The following PDIK1L variants were observed in gnomAD, a reference collection of about 807,000 sequenced individuals.
PDIK1L encodes PDLIM1 interacting kinase 1 like.
A neutral mutation model predicts 27.1 loss-of-function variants in PDIK1L; 9 were observed. The observed-to-expected ratio is 0.33, with a 90% confidence interval of 0.20 to 0.58. The LOEUF (loss-of-function observed/expected upper bound fraction) is 0.58, where lower values mean the gene tolerates loss of function less well. Ranked by LOEUF, PDIK1L falls within the 20% of genes least tolerant of loss-of-function variation. The pLI is 0.86. For synonymous variants in PDIK1L, 130 were observed against 141.7 expected, an observed-to-expected ratio of 0.92 and a Z score of 0.59; for missense variants, 216 against 413.2, an observed-to-expected ratio of 0.52 and a Z score of 4.14.
rs1468730580 is a variant in PDIK1L at position 26,124,057 on chromosome 1, A to T, written c.*1480A>T. ...AGAATTTTTGGTCAAAAGTCAAAATAGTATTAGAATATTGAAATTATTGAT... is the reference window on the plus strand; with the variant it reads ...AGAATTTTTGGTCAAAAGTCAAAATTGTATTAGAATATTGAAATTATTGAT... On this transcript the variant is annotated 3_prime_UTR_variant, in exon 3 of 3. Coordinates refer to ENST00000374269, the MANE Select transcript of PDIK1L (RefSeq NM_152835.5). 6.6e-6 allele frequency: 1 copy of T among 152,648 alleles called. No homozygotes were observed. Among genetic ancestry groups the T allele is most frequent in the Non-Finnish European group, 1.5e-5 (1 of 68,014 alleles). The allele number at this position is 152,648 out of a possible 1,614,324, so 9.5% of individuals were successfully genotyped here.
At position 26,122,857 on chromosome 1, in the gene PDIK1L, T is replaced by A. The variant is rs2088013158; in HGVS notation, c.*280T>A. 2 of 247,636 alleles carry A rather than the reference T, an allele frequency of 8.1e-6. No individual in the cohort carries two copies. Among genetic ancestry groups the A allele is most frequent in the Middle Eastern group, 1.3e-3 (1 of 770 alleles). The allele number at this position is 247,636 out of a possible 1,614,324, so 15.3% of individuals were successfully genotyped here. ...TTTAAGAGCTAACAAGAGAAGAGAG[T>A]CCAGTTTTCTGGAAATATGTCTTTA... On this transcript the variant is annotated 3_prime_UTR_variant, in exon 3 of 3. Transcript: ENST00000374269. This position sits in a 1 kb window ranked among gnomAD's most constrained non-coding sequence, Gnocchi z 5.4.
chr1:26,113,595 A>G (rs1224440530), intron 1 of PDIK1L, among the ~76,000 whole-genome samples: 1 of 151,516 alleles, frequency 6.6e-6, no homozygotes, highest in Non-Finnish European at 1.5e-5. Context: ...GACAAAATTA[A>G]AATATGAATA....
At chr1:26,113,229 C>T (rs1052923128) in intron 1 of PDIK1L, among the ~76,000 whole-genome samples, 9 of 152,170 alleles carry the variant, frequency 5.9e-5, no homozygotes, top group African/African-American at 2.2e-4. Flanking sequence ...GTGGCTCACG[C>T]CCGTAATCCC....
rs1366409850 is a variant in PDIK1L, at chr1:26,123,432, C to T, written c.*855C>T. 2 of 152,612 alleles carry T rather than the reference C, an allele frequency of 1.3e-5. No individual in the cohort carries two copies. Among genetic ancestry groups the T allele is most frequent in the African/African-American group, 4.8e-5 (2 of 41,442 alleles). 9.5% of individuals were successfully genotyped at this position (152,612 alleles called of 1,614,324 possible). A position where few individuals can be genotyped will look rare whatever the true frequency, so the allele number is the denominator to read the frequency against. On this transcript the variant is annotated 3_prime_UTR_variant, in exon 3 of 3. Coordinates refer to ENST00000374269, the MANE Select transcript of PDIK1L (RefSeq NM_152835.5). ...ATACCACTGCATTGGGACGTCTGCA[C>T]TTGAGCTTCTACAATCTGATATAAA...
intron 2 of PDIK1L, among the ~76,000 whole-genome samples, chr1:26,116,158 G>A (rs1392403255): frequency 7.3e-6 from 1 of 137,602 alleles, no homozygotes; most frequent in Non-Finnish European, 1.6e-5. Context: ...AACCAAGATC[G>A]CACCACTGCA....
rs967135271 is a variant in PDIK1L, at chr1:26,122,704, A to AT, written c.*137dup. The stretch of plus-strand genomic sequence containing the variant: ...TCTAAGGGTTTAGATTTTTTGTGGG[A>AT]TTTTTTTTTTCCTCATTTTTCTTAA... On this transcript the variant is annotated 3_prime_UTR_variant, in exon 3 of 3. Transcript: ENST00000374269. This position sits in a 1 kb window ranked among gnomAD's most constrained non-coding sequence, Gnocchi z 5.4. 5,848 of 1,099,786 alleles carry AT rather than the reference A, an allele frequency of 5.3e-3. 1 individual carries two copies. The highest frequency in any genetic ancestry group is 8.6e-3 in the African/African-American group (533 of 61,638). 68.1% of individuals were successfully genotyped at this position (1,099,786 alleles called of 1,614,324 possible).
rs17356867 is a variant in PDIK1L, at chr1:26,122,358, T to C, written c.807T>C (p.Tyr269=). The change falls in exon 3 of 3, where the codon TAT becomes TAC. Residue 269 remains tyrosine, a synonymous_variant. Coordinates refer to ENST00000374269, the MANE Select transcript of PDIK1L (RefSeq NM_152835.5). This position sits in a 1 kb window ranked among gnomAD's most constrained non-coding sequence, Gnocchi z 5.4. ...CAAAGAAGGAACTCTTGGGGAGTTA[T>C]GTAAAACAAGGAACTGAGATTGTGC... ...TETKKELLGS[Y]VKQGTEIVPV... 0.16 allele frequency: 260,929 copies of C among 1,613,968 alleles called. 22,546 individuals are homozygous for C. Among genetic ancestry groups the C allele is most frequent in the African/African-American group, 0.2 (15,062 of 74,958 alleles).
chr1:26,119,813 C>T lies in PDIK1L; in HGVS notation c.286-2024C>T, dbSNP rs376221437. Among the ~76,000 whole-genome samples, 10 of 151,684 alleles carry T rather than the reference C, an allele frequency of 6.6e-5. No individual in the cohort carries two copies. In the East Asian group the frequency reaches 1.6e-3, roughly 24 times the overall value. ...AGCAGAGGTTGCAGTGAGCCGAGAT[C>T]GCGCCACTGCACTCCAGCCTGGCAA... is the stretch of plus-strand genomic sequence containing the variant. On this transcript the variant is annotated intron_variant, in intron 2 of 2. Coordinates refer to ENST00000374269, the MANE Select transcript of PDIK1L (RefSeq NM_152835.5).
At chr1:26,118,688 T>C (rs113272783) in intron 2 of PDIK1L, among the ~76,000 whole-genome samples, 15 of 152,236 alleles carry the variant, frequency 9.9e-5, no homozygotes, top group African/African-American at 2.9e-4. Context: ...ACTCAGTAAT[T>C]GGTACCTCTA....
chr1:26,114,635 G>A lies in PDIK1L; in HGVS notation c.285+42G>A, dbSNP rs1384383687. 4 of 1,586,662 alleles carry A rather than the reference G, an allele frequency of 2.5e-6. No individual in the cohort carries two copies. Among genetic ancestry groups the A allele is most frequent in the Middle Eastern group, 1.9e-4 (1 of 5,400 alleles). ...GGGAAATAGAAATGATTTGAACATG[G>A]CATTGGCCAGCAAGAAGAGGAATGA... On this transcript the variant is annotated intron_variant, in intron 2 of 2. Transcript: ENST00000374269. The surrounding 1 kb of genome is among the most constrained non-coding windows in gnomAD (Gnocchi z 4.8).
chr1:26,116,277 A>G (rs2087875555), intron 2 of PDIK1L, among the ~76,000 whole-genome samples: 1 of 152,026 alleles, frequency 6.6e-6, no homozygotes, highest in South Asian at 2.1e-4. Context: ...TAGGAGGGTG[A>G]AGCAGGAGGA....
rs111876011 is a variant in PDIK1L, at chr1:26,123,790, T to G, written c.*1213T>G. The G allele has an allele frequency of 1.3e-5, 2 of 152,644 alleles. No homozygotes were observed. Among genetic ancestry groups the G allele is most frequent in the African/African-American group, 4.8e-5 (2 of 41,452 alleles). 9.5% of individuals were successfully genotyped at this position (152,644 alleles called of 1,614,324 possible). A position where few individuals can be genotyped will look rare whatever the true frequency, so the allele number is the denominator to read the frequency against. ...TAAAATATTGTGGCATCAACTACTT[T>G]TAAAGTAGAAAAGCTATCCATTTTA... On this transcript the variant is annotated 3_prime_UTR_variant, in exon 3 of 3. Transcript: ENST00000374269.
At chr1:26,120,637 C>T (rs900365518) in intron 2 of PDIK1L, among the ~76,000 whole-genome samples, 16 of 152,138 alleles carry the variant, frequency 1.1e-4, no homozygotes, top group Non-Finnish European at 2.2e-4. Context: ...GAAAAGGGCA[C>T]CATACAACAA....
intron 2 of PDIK1L, among the ~76,000 whole-genome samples, chr1:26,118,154 A>G (rs910932793): frequency 3.3e-5 from 5 of 152,104 alleles, no homozygotes; most frequent in Admixed American, 3.3e-4. Context: ...AAGCAAAGAT[A>G]TTTAAACAAA....
At position 26,120,950 on chromosome 1, in the gene PDIK1L, CAA is replaced by C. The variant is rs11316360; in HGVS notation, c.286-869_286-868del. Among the ~76,000 whole-genome samples the C allele has an allele frequency of 3.0e-3, 289 of 96,280 alleles. 1 individual carries two copies. Among genetic ancestry groups the C allele is most frequent in the African/African-American group, 6.1e-3 (160 of 26,166 alleles). The allele number at this position is 96,280 out of a possible 152,430, so 63.2% of individuals were successfully genotyped here. ...CTGGTGACAGAGCAAGACTCCGTCT[CAA>C]AAAAAAAAAAAAAAAAAGACTATGT... On this transcript the variant is annotated intron_variant, in intron 2 of 2. Coordinates refer to ENST00000374269, the MANE Select transcript of PDIK1L (RefSeq NM_152835.5).
chr1:26,115,533 G>A (rs542804295), intron 2 of PDIK1L, among the ~76,000 whole-genome samples: 2 of 152,336 alleles, frequency 1.3e-5, no homozygotes, highest in South Asian at 2.1e-4. Context: ...CAGGCACAGT[G>A]GCTCACGCCT....
At position 26,121,921 on chromosome 1, in the gene PDIK1L, G is replaced by A. The variant is rs762809491; in HGVS notation, c.370G>A (p.Gly124Arg). 3.1e-6 allele frequency: 5 copies of A among 1,613,962 alleles called. No homozygotes were observed. Among genetic ancestry groups the A allele is most frequent in the South Asian group, 1.1e-5 (1 of 91,068 alleles). The change falls in exon 3 of 3, where the codon GGA (glycine) becomes AGA (arginine). Residue 124 changes from glycine to arginine, a missense_variant. This residue lies in a region of PDIK1L where 169 missense variants were observed against 366.0 expected (regional missense o/e 0.46). Coordinates refer to ENST00000374269, the MANE Select transcript of PDIK1L (RefSeq NM_152835.5). ...YLWFVMDFCD[G>R]GDMNEYLLSR... is the part of the protein sequence containing the mutation. Reference sequence around the variant, plus strand: ...GTGGTTTGTGATGGATTTTTGTGACGGAGGAGATATGAATGAGTATCTGTT... The same window carrying A: ...GTGGTTTGTGATGGATTTTTGTGACAGAGGAGATATGAATGAGTATCTGTT...
In PDIK1L at chr1:26,122,561, G is replaced by GCAGCTGGGAAACGTGACA. The variant is rs1553150132; in HGVS notation, c.1013_*4dup. The GCAGCTGGGAAACGTGACA allele has an allele frequency of 6.2e-7, 1 of 1,603,446 alleles. No homozygotes were observed. On this transcript the variant is annotated stop_gained and inframe_insertion, in exon 3 of 3. Coordinates refer to ENST00000374269, the MANE Select transcript of PDIK1L (RefSeq NM_152835.5). LOFTEE classifies it high-confidence loss of function. The surrounding 1 kb of genome is among the most constrained non-coding windows in gnomAD (Gnocchi z 5.4). The stretch of plus-strand genomic sequence containing the variant: ...TTAGTACAAATTGCATTTAAAGATA[G>GCAGCTGGGAAACGTGACA]CAGCTGGGAAACGTGACACATATTA...
Position 26,114,872 on chromosome 1 carries a change from T to C in PDIK1L, c.285+279T>C, listed in dbSNP as rs973211798. ...GCAAGATAGGAACTAGAGAGGTGCT[T>C]GAGACTACAGTCTAATAACTTCATT... On this transcript the variant is annotated intron_variant, in intron 2 of 2. Transcript: ENST00000374269. This position sits in a 1 kb window ranked among gnomAD's most constrained non-coding sequence, Gnocchi z 4.8. Among the ~76,000 whole-genome samples, 3 of 152,220 alleles carry C rather than the reference T, an allele frequency of 2.0e-5. No individual in the cohort carries two copies. Among genetic ancestry groups the C allele is most frequent in the African/African-American group, 7.2e-5 (3 of 41,454 alleles).
Sources: gnomAD v4.1 joint callset for allele counts (sites outside exome capture counted in the v4.1 genomes callset) on GRCh38, gnomAD v4.1.1 for gene constraint, gnomAD v4.1.1 regional missense constraint, Gnocchi (gnomAD v3.1) non-coding constraint, MANE v1.5 for transcripts, NCBI Gene and HGNC (gene_info 2026-07-23, HGNC 2026-07-21) for gene names.